The following LRRTM4 variants were observed in gnomAD, a reference collection of about 807,000 sequenced individuals.
LRRTM4 encodes the protein leucine rich repeat transmembrane neuronal 4, also known as leucine-rich repeat transmembrane neuronal protein 4.
LRRTM4 carries 25 observed loss-of-function variants against 47.6 expected under a neutral mutation model. That is an observed-to-expected ratio of 0.53 (90% CI 0.38 to 0.73). The LOEUF is 0.73. LRRTM4 is among the 30% of genes least tolerant of loss of function. LRRTM4 has a pLI of 0.00. For missense variants in LRRTM4, 638 were observed against 713.4 expected (o/e 0.89, Z 1.20); for synonymous variants, 311 against 269.5 (o/e 1.15, Z -1.51).
chr2:77,103,652 T>TAC (rs1420046537), intron 3 of LRRTM4, among the ~76,000 whole-genome samples: 1 of 143,660 alleles, frequency 7.0e-6, no homozygotes, highest in Non-Finnish European at 1.5e-5. Context: ...TGAGTGTATA[T>TAC]ATATATATAT....
intron 3 of LRRTM4, among the ~76,000 whole-genome samples, chr2:77,260,832 G>A (rs2104039485): frequency 6.6e-6 from 1 of 152,148 alleles, no homozygotes; most frequent in African/African-American, 2.4e-5. Flanking sequence ...AATGCAGTTG[G>A]GAACCTTATG....
At chr2:77,119,735 A>C (rs1414357286) in intron 3 of LRRTM4, among the ~76,000 whole-genome samples, 3 of 151,842 alleles carry the variant, frequency 2.0e-5, no homozygotes, top group African/African-American at 7.2e-5. Flanking sequence ...TGTGGCTTAC[A>C]TACATAGAAT....
chr2:76,889,868 GGAT>G (rs1673195771), intron 3 of LRRTM4, among the ~76,000 whole-genome samples: 1 of 151,818 alleles, frequency 6.6e-6, no homozygotes, highest in Non-Finnish European at 1.5e-5. Context: ...GATTGAGGTA[GGAT>G]GATTGCAAAA....
intron 3 of LRRTM4, among the ~76,000 whole-genome samples, chr2:77,480,783 G>GCAGTGTGTGTGTGTGTGTGTGTGTGT (rs199521864): frequency 2.1e-5 from 2 of 97,056 alleles, no homozygotes; most frequent in African/African-American, 8.3e-5. Flanking sequence ...GGCTGTTTTA[G>GCAGTGTGTGTGTGTGTGTGTGTGTGT]GAGTGTGTGT....
intron 3 of LRRTM4, among the ~76,000 whole-genome samples, chr2:77,130,678 A>AT (rs1456551825): frequency 1.3e-5 from 2 of 149,744 alleles, no homozygotes; most frequent in African/African-American, 4.9e-5. Context: ...CTCTGTGCTA[A>AT]TTTTTTGTAT....
chr2:77,285,943 A>G (rs1676643977), intron 3 of LRRTM4, among the ~76,000 whole-genome samples: 1 of 152,128 alleles, frequency 6.6e-6, no homozygotes, highest in African/African-American at 2.4e-5. Flanking sequence ...TAAAAAGTCT[A>G]TGCTACCAAA....
chr2:77,396,852 G>T (rs1283801787), intron 3 of LRRTM4, among the ~76,000 whole-genome samples: 1 of 151,808 alleles, frequency 6.6e-6, no homozygotes, highest in South Asian at 2.1e-4. Flanking sequence ...TTGAATATAC[G>T]TTTCTTAAAA....
At chr2:77,267,930 G>T (rs958625301) in intron 3 of LRRTM4, among the ~76,000 whole-genome samples, 1 of 152,138 alleles carries the variant, frequency 6.6e-6, no homozygotes, top group Non-Finnish European at 1.5e-5. Flanking sequence ...TTATGAAAAT[G>T]ATTAGGCATT....
intron 3 of LRRTM4, among the ~76,000 whole-genome samples, chr2:77,360,057 T>A (rs1443865231): frequency 6.6e-6 from 1 of 152,184 alleles, no homozygotes; most frequent in Admixed American, 6.5e-5. Flanking sequence ...AAATCTTATG[T>A]TTTTTAGATA....
rs114138490 is a variant in LRRTM4 at position 77,192,256 on chromosome 2, T to C, written c.1551+326062A>G. ...TTCAGCAAAATAAAGAGCTACATTG[T>C]TTGAATCAAGATTTTTGCTATACAT... On this transcript the variant is annotated intron_variant, in intron 3 of 3. Transcript: ENST00000409884. Among the ~76,000 whole-genome samples, 62 of 152,252 alleles carry C rather than the reference T, an allele frequency of 4.1e-4. 1 individual carries two copies. The highest frequency in any genetic ancestry group is 3.4e-3 in the Middle Eastern group (1 of 294).
Position 76,957,711 on chromosome 2 carries a change from GCTATAAATTTGAT to G in LRRTM4, c.1552-208808_1552-208796del, listed in dbSNP as rs1364314784. ...TCATTAGAAACTGATCTAATAAATTGCTATAAATTTGATGCACTTTCTATTAACAGGGTGTAAA... is the reference window on the plus strand; with the variant it reads ...TCATTAGAAACTGATCTAATAAATTGGCACTTTCTATTAACAGGGTGTAAA... On this transcript the variant is annotated intron_variant, in intron 3 of 3. Transcript: ENST00000409884. Among the ~76,000 whole-genome samples, 332 of 151,632 alleles carry G rather than the reference GCTATAAATTTGAT, an allele frequency of 2.2e-3. 6 individuals carry two copies. Among genetic ancestry groups the G allele is most frequent in the African/African-American group, 7.8e-3 (322 of 41,436 alleles).
chr2:77,014,912 T>G (rs1678006280), intron 3 of LRRTM4, among the ~76,000 whole-genome samples: 1 of 152,176 alleles, frequency 6.6e-6, no homozygotes, highest in South Asian at 2.1e-4. Context: ...ATTTTTTATT[T>G]GAAGAGTGAT....
intron 3 of LRRTM4, among the ~76,000 whole-genome samples, chr2:76,952,537 G>C (rs1268346769): frequency 6.6e-6 from 1 of 151,792 alleles, no homozygotes. Context: ...CGTCAAAAAA[G>C]CAGAAATAAT....
chr2:77,020,624 G>A (rs568998366), intron 3 of LRRTM4, among the ~76,000 whole-genome samples: 14 of 151,962 alleles, frequency 9.2e-5, no homozygotes, highest in Admixed American at 2.0e-4. Context: ...GTAACATAAC[G>A]AACAAAAAGC....
At chr2:77,161,917 T>C (rs1047446471) in intron 3 of LRRTM4, among the ~76,000 whole-genome samples, 2 of 152,164 alleles carry the variant, frequency 1.3e-5, no homozygotes, top group Admixed American at 6.5e-5. Context: ...GGCTCCAAGA[T>C]GGCTGAATAG....
chr2:76,772,565 T>G (rs1025797733), intron 3 of LRRTM4, among the ~76,000 whole-genome samples: 4 of 152,194 alleles, frequency 2.6e-5, no homozygotes, highest in African/African-American at 9.6e-5. Context: ...GACCAACCTT[T>G]GGACAGATAT....
At chr2:77,296,491 G>T (rs1676977278) in intron 3 of LRRTM4, among the ~76,000 whole-genome samples, 1 of 151,864 alleles carries the variant, frequency 6.6e-6, no homozygotes, top group Non-Finnish European at 1.5e-5. Flanking sequence ...TCTATGGTAC[G>T]TTGTTCCTGA....
intron 3 of LRRTM4, among the ~76,000 whole-genome samples, chr2:76,861,675 AC>A (rs1238519632): frequency 5.3e-5 from 8 of 152,298 alleles, no homozygotes; most frequent in African/African-American, 1.9e-4. Context: ...GTATGGTCTC[AC>A]CTTTTTCTTT....
chr2:77,151,782 T>C (rs972283848), intron 3 of LRRTM4, among the ~76,000 whole-genome samples: 3 of 102,406 alleles, frequency 2.9e-5, no homozygotes, highest in African/African-American at 1.7e-4. Flanking sequence ...CAGAAAGATC[T>C]TGTTTGTTGT....
Sources: allele counts gnomAD v4.1 joint callset (sites outside exome capture counted in the v4.1 genomes callset), GRCh38; gene constraint gnomAD v4.1.1; transcripts MANE v1.5; gene names NCBI Gene and HGNC (gene_info 2026-07-23, HGNC 2026-07-21).